The following NMNAT3 variants were observed in gnomAD, a reference collection of about 807,000 sequenced individuals.
NMNAT3 encodes the protein nicotinamide nucleotide adenylyltransferase 3.
Under a neutral mutation model 24.8 loss-of-function variants are expected in NMNAT3, and 21 were observed. The observed-to-expected ratio is 0.85, with a 90% CI of 0.60 to 1.22. The LOEUF is 1.22. Among genes scored for constraint, NMNAT3 ranks in the 50% most tolerant of loss-of-function variants. The pLI, the probability that NMNAT3 is intolerant of heterozygous loss-of-function variation, is 0.00. For missense variants in NMNAT3, 387 were observed against 436.6 expected, an observed-to-expected ratio of 0.89 and a Z score of 1.01; for synonymous variants, 136 against 155.2, an observed-to-expected ratio of 0.88 and a Z score of 0.92.
rs72975810 is a variant in NMNAT3, at chr3:139,642,085, C to T, written c.-140-4023G>A. On this transcript the variant is annotated intron_variant, in intron 1 of 6. Transcript: ENST00000643695. ...TTTCTGTCTCTTCTTTCCCTCCCTC[C>T]CCTGGACACTGTGGTGTAGGGATAT... Among the ~76,000 whole-genome samples, 936 of 152,296 alleles carry T rather than the reference C, an allele frequency of 6.1e-3. 11 individuals are homozygous for T. The highest frequency in any genetic ancestry group is 0.021 in the African/African-American group (862 of 41,568).
intron 3 of NMNAT3, among the ~76,000 whole-genome samples, chr3:139,589,909 C>A (rs1290918970): frequency 1.3e-5 from 2 of 152,144 alleles, no homozygotes; most frequent in Admixed American, 6.5e-5. Flanking sequence ...AAGACGAACT[C>A]CACCACCCAA....
At chr3:139,669,718 A>C (rs2057699584) in intron 1 of NMNAT3, among the ~76,000 whole-genome samples, 2 of 152,194 alleles carry the variant, frequency 1.3e-5, no homozygotes, top group African/African-American at 4.8e-5. Context: ...TGTATTAGTG[A>C]GTACAGCAAG....
chr3:139,583,226 G>A (rs550465312), intron 3 of NMNAT3: 35 of 1,206,556 alleles, frequency 2.9e-5, no homozygotes, highest in East Asian at 2.6e-4. Flanking sequence ...ACAAGAAAAC[G>A]TGTAAATGTT....
intron 6 of NMNAT3, among the ~76,000 whole-genome samples, chr3:139,565,130 A>C (rs542673143): frequency 1.1e-4 from 17 of 152,290 alleles, no homozygotes; most frequent in Non-Finnish European, 1.5e-4. Context: ...CTATGTATAC[A>C]GTATAATTTA....
At chr3:139,655,758 T>C (rs879925082) in intron 1 of NMNAT3, among the ~76,000 whole-genome samples, 1 of 152,208 alleles carries the variant, frequency 6.6e-6, no homozygotes, top group Admixed American at 6.5e-5. Flanking sequence ...GCTTATGGGA[T>C]GTGTTAGACC....
rs539498498 is a variant in NMNAT3, at chr3:139,627,800, G to A, written c.-40-36C>T. ...GACAAAAGCTCATGTCAGGGAGTTA[G>A]CACTGAGACAATTATCCAGATCAGT... On this transcript the variant is annotated intron_variant, in intron 2 of 6. Transcript: ENST00000643695. The A allele has an allele frequency of 3.4e-4, 252 of 734,472 alleles. 5 individuals are homozygous for A. The South Asian group carries it at 4.6e-3, about 13-fold the overall frequency. 45.5% of individuals were successfully genotyped at this position (734,472 alleles called of 1,614,324 possible).
intron 3 of NMNAT3, among the ~76,000 whole-genome samples, chr3:139,590,239 ACT>A (rs1174164785): frequency 6.6e-6 from 1 of 152,224 alleles, no homozygotes; most frequent in Non-Finnish European, 1.5e-5. Flanking sequence ...ACAATTACTA[ACT>A]CTAGGAAAAA....
At chr3:139,595,630 G>A (rs190870444) in intron 3 of NMNAT3, among the ~76,000 whole-genome samples, 95 of 152,192 alleles carry the variant, frequency 6.2e-4, no homozygotes, top group African/African-American at 8.4e-4. Context: ...TCAATGGAAC[G>A]GAAGAGAGCC....
intron 1 of NMNAT3, among the ~76,000 whole-genome samples, chr3:139,659,782 C>T (rs750366101): frequency 1.1e-4 from 17 of 152,258 alleles, no homozygotes; most frequent in Non-Finnish European, 2.4e-4. Context: ...AAAGTACATC[C>T]AGTCATCGAT....
chr3:139,591,660 C>T (rs1307701028), intron 3 of NMNAT3, among the ~76,000 whole-genome samples: 1 of 143,788 alleles, frequency 7.0e-6, no homozygotes, highest in South Asian at 2.3e-4. Context: ...GGTCCCTGAC[C>T]CCTGACCCCC....
intron 2 of NMNAT3, among the ~76,000 whole-genome samples, chr3:139,633,877 G>C (rs1437569350): frequency 6.6e-6 from 1 of 152,170 alleles, no homozygotes; most frequent in African/African-American, 2.4e-5. Flanking sequence ...ATTTTAAACA[G>C]GGATGTGACT....
chr3:139,583,780 A>G (rs572926753), intron 3 of NMNAT3, among the ~76,000 whole-genome samples: 7 of 152,266 alleles, frequency 4.6e-5, no homozygotes, highest in Admixed American at 3.9e-4. Context: ...TCTAAAACAC[A>G]TATCATATGT....
At chr3:139,666,295 C>T (rs1403695440) in intron 1 of NMNAT3, among the ~76,000 whole-genome samples, 1 of 152,106 alleles carries the variant, frequency 6.6e-6, no homozygotes, top group Non-Finnish European at 1.5e-5. Flanking sequence ...AGAGGTGACT[C>T]AGCTCCCACC....
chr3:139,659,844 GT>G (rs954559115), intron 1 of NMNAT3, among the ~76,000 whole-genome samples: 2 of 152,244 alleles, frequency 1.3e-5, no homozygotes, highest in Non-Finnish European at 2.9e-5. Context: ...GATGAGAAAC[GT>G]TTTAGAAAGT....
chr3:139,619,272 C>T (rs182890635), intron 3 of NMNAT3, among the ~76,000 whole-genome samples: 57 of 152,258 alleles, frequency 3.7e-4, no homozygotes, highest in Non-Finnish European at 7.4e-4. Context: ...ACAACACTAA[C>T]ATAGGTAGAA....
intron 3 of NMNAT3, among the ~76,000 whole-genome samples, chr3:139,609,459 G>A (rs1375215604): frequency 6.6e-6 from 1 of 152,014 alleles, no homozygotes; most frequent in Non-Finnish European, 1.5e-5. Flanking sequence ...CTTATTGTGG[G>A]TTTTACGTTG....
chr3:139,609,466 G>A (rs1033648439), intron 3 of NMNAT3, among the ~76,000 whole-genome samples: 2 of 152,068 alleles, frequency 1.3e-5, no homozygotes, highest in East Asian at 1.9e-4. Flanking sequence ...TGGGTTTTAC[G>A]TTGCATTTCC....
At chr3:139,649,322 A>AAAAC (rs3028177) in intron 1 of NMNAT3, among the ~76,000 whole-genome samples, 21,544 of 150,418 alleles carry the variant, frequency 0.14, 1,773 homozygotes, top group African/African-American at 0.21. Context: ...GCAAGCAAAG[A>AAAAC]AAACAAACAA....
intron 6 of NMNAT3, 110 bp downstream of exon 6, chr3:139,573,488 C>G (rs928305076): frequency 4.3e-5 from 21 of 489,210 alleles, no homozygotes; most frequent in African/African-American, 3.6e-4. Context: ...TTATCTGTGC[C>G]CAGAGGGTTG....
Sources: allele counts gnomAD v4.1 joint callset (sites outside exome capture counted in the v4.1 genomes callset), GRCh38; gene constraint gnomAD v4.1.1; transcripts MANE v1.5; gene names NCBI Gene and HGNC (gene_info 2026-07-23, HGNC 2026-07-21).